GRIK1: variants seen among roughly 807,000 people sequenced by gnomAD.
GRIK1 encodes glutamate receptor ionotropic, kainate 1.
A neutral mutation model predicts 105.7 loss-of-function variants in GRIK1; 69 were observed. The observed-to-expected ratio is 0.65, with a 90% CI of 0.54 to 0.80. The LOEUF (loss-of-function observed/expected upper bound fraction) is 0.80. Ranked by LOEUF, GRIK1 falls within the 30% of genes least tolerant of loss-of-function variation. The probability of loss-of-function intolerance (pLI) is 0.00; values close to 1 mark genes in which losing one functional copy is unlikely to be tolerated. For missense variants in GRIK1, 1,109 were observed against 1,167.3 expected (o/e 0.95, Z 0.73); for synonymous variants, 438 against 431.3 (o/e 1.02, Z -0.19).
At chr21:29,818,916 A>G (rs576215077) in intron 1 of GRIK1, among the ~76,000 whole-genome samples, 8 of 152,190 alleles carry the variant, frequency 5.3e-5, no homozygotes, top group Admixed American at 1.3e-4. Context: ...TTTGTTCACT[A>G]GCCTGGCATA....
At chr21:29,584,255 T>C (rs2091083236) in intron 12 of GRIK1, among the ~76,000 whole-genome samples, 1 of 152,152 alleles carries the variant, frequency 6.6e-6, no homozygotes, top group Admixed American at 6.6e-5. Flanking sequence ...ACTTGTAATA[T>C]AATGGTGGGG....
chr21:29,571,291 A>G (rs1164156296), intron 14 of GRIK1, among the ~76,000 whole-genome samples: 1 of 151,800 alleles, frequency 6.6e-6, no homozygotes, highest in Non-Finnish European at 1.5e-5. Context: ...CAGGAGGCAG[A>G]GGTTGCAGTG....
rs144950289 is a variant in GRIK1 at position 29,705,374 on chromosome 21, A to G, written c.119-11311T>C. 7.7e-3 allele frequency among the ~76,000 whole-genome samples: 1,175 copies of G among 152,322 alleles called. 12 individuals carry two copies. Among genetic ancestry groups the G allele is most frequent in the Non-Finnish European group, 0.014 (936 of 68,030 alleles). The stretch of plus-strand genomic sequence containing the variant: ...TTAAAAATTCACACTACACAATGAC[A>G]TTTGTCTCTCAGAAGTCCTGCAGCA... On this transcript the variant is annotated intron_variant, in intron 1 of 17. Transcript: ENST00000327783.
intron 1 of GRIK1, among the ~76,000 whole-genome samples, chr21:29,865,564 G>A (rs922911663): frequency 6.6e-6 from 1 of 152,224 alleles, no homozygotes; most frequent in Non-Finnish European, 1.5e-5. Context: ...GCAGATTTCA[G>A]CAAGGGCACT....
chr21:29,660,828 C>T (rs893244617), intron 4 of GRIK1, among the ~76,000 whole-genome samples: 2 of 152,118 alleles, frequency 1.3e-5, no homozygotes, highest in Non-Finnish European at 2.9e-5. Flanking sequence ...GAATAACTTC[C>T]AAATGTGTGA....
intron 1 of GRIK1, among the ~76,000 whole-genome samples, chr21:29,772,806 G>C (rs572136619): frequency 6.6e-6 from 1 of 152,236 alleles, no homozygotes; most frequent in Non-Finnish European, 1.5e-5. Context: ...CCACTTAATG[G>C]TTATGTTGGG....
chr21:29,540,879 A>G (rs953214880), intron 16 of GRIK1, among the ~76,000 whole-genome samples: 1 of 152,190 alleles, frequency 6.6e-6, no homozygotes, highest in South Asian at 2.1e-4. Flanking sequence ...GGTACTTTGC[A>G]TACTGGAAAG....
At chr21:29,768,400 G>A (rs183111831) in intron 1 of GRIK1, among the ~76,000 whole-genome samples, 1 of 152,258 alleles carries the variant, frequency 6.6e-6, no homozygotes, top group African/African-American at 2.4e-5. Context: ...CAGGACAGGA[G>A]AGTAAAATAG....
intron 3 of GRIK1, among the ~76,000 whole-genome samples, chr21:29,675,937 C>A (rs1023396347): frequency 1.3e-5 from 2 of 152,152 alleles, no homozygotes; most frequent in African/African-American, 4.8e-5. Flanking sequence ...AACTAATTAA[C>A]TGACTAATTA....
chr21:29,580,669 C>G (rs2091007686), intron 13 of GRIK1, among the ~76,000 whole-genome samples: 1 of 151,966 alleles, frequency 6.6e-6, no homozygotes, highest in African/African-American at 2.4e-5. Context: ...ATTCCGAACA[C>G]AACAGTTTCT....
intron 1 of GRIK1, among the ~76,000 whole-genome samples, chr21:29,797,923 GCT>G (rs1256399838): frequency 1.3e-5 from 2 of 152,102 alleles, no homozygotes; most frequent in African/African-American, 4.8e-5. Flanking sequence ...ATGAAATTCA[GCT>G]CTTTCTTCAG....
At chr21:29,756,092 AAT>A (rs2065330740) in intron 1 of GRIK1, among the ~76,000 whole-genome samples, 1 of 152,232 alleles carries the variant, frequency 6.6e-6, no homozygotes, top group Admixed American at 6.5e-5. Context: ...TGATATTTAA[AAT>A]AAACGGGCCG....
At chr21:29,930,107 G>A (rs543918479) in intron 1 of GRIK1, among the ~76,000 whole-genome samples, 1 of 152,224 alleles carries the variant, frequency 6.6e-6, no homozygotes, top group East Asian at 1.9e-4. Context: ...ATTTATAAAG[G>A]TTCTTGCCAA....
intron 2 of GRIK1, 142 bp from the exon 3 acceptor site, chr21:29,690,127 T>C (rs766086316): frequency 2.9e-6 from 2 of 687,612 alleles, no homozygotes; most frequent in Non-Finnish European, 4.9e-6. Context: ...AATCCCTGTC[T>C]GCATATTGAG....
chr21:29,741,271 A>AT (rs1167502371), intron 1 of GRIK1, among the ~76,000 whole-genome samples: 1 of 152,308 alleles, frequency 6.6e-6, no homozygotes, highest in African/African-American at 2.4e-5. Flanking sequence ...TGGAGACCTG[A>AT]TTTTTATTAT....
intron 7 of GRIK1, among the ~76,000 whole-genome samples, chr21:29,600,557 A>T (rs1397359834): frequency 6.6e-6 from 1 of 152,218 alleles, no homozygotes; most frequent in Non-Finnish European, 1.5e-5. Flanking sequence ...AATTCATTAG[A>T]CATGCATAAA....
intron 7 of GRIK1, among the ~76,000 whole-genome samples, chr21:29,631,429 A>T (rs1360241762): frequency 6.6e-6 from 1 of 152,250 alleles, no homozygotes; most frequent in Non-Finnish European, 1.5e-5. Flanking sequence ...ATGGAAAGAT[A>T]ACCATCTACA....
intron 1 of GRIK1, among the ~76,000 whole-genome samples, chr21:29,755,500 G>A (rs374085797): frequency 5.3e-5 from 8 of 152,242 alleles, no homozygotes; most frequent in Admixed American, 3.9e-4. Flanking sequence ...TCCAGGTGGG[G>A]GATCTGAGGC....
chr21:29,659,993 A>G (rs2062931348), intron 4 of GRIK1, among the ~76,000 whole-genome samples: 1 of 151,906 alleles, frequency 6.6e-6, no homozygotes, highest in African/African-American at 2.4e-5. Context: ...AAACCCAACA[A>G]CAACAACAAC....
Sources: gnomAD v4.1 joint callset for allele counts (sites outside exome capture counted in the v4.1 genomes callset) on GRCh38, gnomAD v4.1.1 for gene constraint, MANE v1.5 for transcripts, NCBI Gene and HGNC (gene_info 2026-07-23, HGNC 2026-07-21) for gene names.